The following NMRK1 variants were observed in gnomAD, a reference collection of about 807,000 sequenced individuals.
NMRK1 encodes NRK 1.
In NMRK1, 28 loss-of-function variants were observed where a neutral mutation model predicts 29.9. The ratio of observed to expected loss-of-function variants is 0.94; its 90% CI spans 0.69 to 1.28. The LOEUF is 1.28. NMRK1 is among the 50% of genes most tolerant of loss of function. NMRK1 has a pLI of 0.00. For missense variants in NMRK1, 218 were observed against 233.1 expected (o/e 0.94, Z 0.42); for synonymous variants, 58 against 73.0 (o/e 0.79, Z 1.05).
Position 75,068,393 on chromosome 9 carries a change from A to C in NMRK1, c.496+603T>G, listed in dbSNP as rs550401149. ...GGACCCTGCCTGTATCACTAGCATC[A>C]ATCCACTCCCCTGGTTTTCTTTACT... On this transcript the variant is annotated intron_variant, in intron 7 of 8. Transcript: ENST00000361092. 7.2e-5 allele frequency among the ~76,000 whole-genome samples: 11 copies of C among 152,276 alleles called. No individual in the cohort carries two copies. In the South Asian group the frequency reaches 2.3e-3, roughly 32 times the overall value.
chr9:75,078,589 A>G (rs1824144772), intron 2 of NMRK1: 1 of 1,246,604 alleles, frequency 8.0e-7, no homozygotes, highest in South Asian at 3.5e-5. Flanking sequence ...ATGTCTGTGA[A>G]CATAAGTCAG....
chr9:75,079,273 G>GT (rs1273848520), intron 2 of NMRK1, among the ~76,000 whole-genome samples: 2 of 152,236 alleles, frequency 1.3e-5, no homozygotes, highest in Non-Finnish European at 2.9e-5. Flanking sequence ...TGAAAAGTGA[G>GT]TGGGTGCTAC....
At chr9:75,063,211 CAGG>C (rs1823131420) in intron 8 of NMRK1, among the ~76,000 whole-genome samples, 2 of 146,740 alleles carry the variant, frequency 1.4e-5, no homozygotes, top group African/African-American at 5.0e-5. Context: ...GAGGCTGAGG[CAGG>C]AGAATGGTGT....
At chr9:75,078,512 G>A in intron 2 of NMRK1, 8 of 1,324,724 alleles carry the variant, frequency 6.0e-6, no homozygotes, top group Non-Finnish European at 7.8e-6. Context: ...GCATCGAGGA[G>A]ATCACACGGG....
intron 4 of NMRK1, among the ~76,000 whole-genome samples, chr9:75,074,389 T>C (rs1823872568): frequency 6.6e-6 from 1 of 151,912 alleles, no homozygotes; most frequent in Non-Finnish European, 1.5e-5. Context: ...CATCTTTTGA[T>C]TTATTTATTT....
intron 3 of NMRK1, 124 bp downstream of exon 3, chr9:75,077,366 C>A: frequency 1.2e-6 from 1 of 861,706 alleles, no homozygotes; most frequent in South Asian, 1.5e-5. Context: ...AACACCATTG[C>A]ACTGAGCCTA....
At position 75,084,968 on chromosome 9, in the gene NMRK1, C is replaced by T. The variant is rs565513077; in HGVS notation, c.-35-1818G>A. 3.4e-3 allele frequency among the ~76,000 whole-genome samples: 519 copies of T among 152,180 alleles called. 4 individuals carry two copies. The highest frequency in any genetic ancestry group is 0.012 in the African/African-American group (486 of 41,508). On this transcript the variant is annotated intron_variant, in intron 1 of 8. Coordinates refer to ENST00000361092, the MANE Select transcript of NMRK1 (RefSeq NM_017881.3). ...TTCTGCTTTTGAATTTTATTTTACC[C>T]TATTCTTATTTTTTTGGTATGTCGG...
chr9:75,072,022 C>G (rs746374786), intron 4 of NMRK1, among the ~76,000 whole-genome samples: 1 of 152,216 alleles, frequency 6.6e-6, no homozygotes, highest in African/African-American at 2.4e-5. Flanking sequence ...GGAAGTCTAG[C>G]TCCGCACCAA....
chr9:75,073,331 C>T (rs1192207236), intron 4 of NMRK1, among the ~76,000 whole-genome samples: 1 of 152,226 alleles, frequency 6.6e-6, no homozygotes, highest in East Asian at 1.9e-4. Flanking sequence ...ACACCTGGAT[C>T]TCAGACTTCT....
At chr9:75,077,761 G>A (rs560983085) in intron 2 of NMRK1, among the ~76,000 whole-genome samples, 181 bp from the exon 3 acceptor site, 72 of 151,892 alleles carry the variant, frequency 4.7e-4, no homozygotes, top group African/African-American at 1.6e-3. Flanking sequence ...TCAGCCTCCC[G>A]AGGAGCTGGG....
chr9:75,072,186 C>T (rs1823736780), intron 4 of NMRK1, among the ~76,000 whole-genome samples: 1 of 152,122 alleles, frequency 6.6e-6, no homozygotes. Flanking sequence ...TATACTTCTC[C>T]TGTATATGTA....
rs1822975041 is a variant in NMRK1, at chr9:75,060,780, A to T, written c.*768T>A. The T allele has an allele frequency of 6.7e-6, 1 of 149,074 alleles. No individual in the cohort carries two copies. Among genetic ancestry groups the T allele is most frequent in the South Asian group, 2.1e-4 (1 of 4,718 alleles). 9.2% of individuals were successfully genotyped at this position (149,074 alleles called of 1,614,324 possible). On this transcript the variant is annotated 3_prime_UTR_variant, in exon 9 of 9. Coordinates refer to ENST00000361092, the MANE Select transcript of NMRK1 (RefSeq NM_017881.3). The stretch of plus-strand genomic sequence containing the variant: ...TGGTTTGACAAAAACAAAATGAACC[A>T]CGAGGGGGGAGAAAGAAACCAGAAA...
Position 75,078,603 on chromosome 9 carries a change from A to G in NMRK1, c.30-1023T>C, listed in dbSNP as rs545424900. On this transcript the variant is annotated intron_variant, in intron 2 of 8. Transcript: ENST00000361092. The stretch of plus-strand genomic sequence containing the variant: ...CATGTCTGTGAACATAAGTCAGGGC[A>G]TCTGTGAACTTGAATGAGAAAAAAA... 2.3e-5 allele frequency: 28 copies of G among 1,220,456 alleles called. No homozygotes were observed. The East Asian group carries it at 8.6e-4, about 37-fold the overall frequency. 75.6% of individuals were successfully genotyped at this position (1,220,456 alleles called of 1,614,324 possible).
At chr9:75,066,641 T>C in intron 8 of NMRK1, 116 bp downstream of exon 8, 1 of 743,264 alleles carries the variant, frequency 1.3e-6, no homozygotes, top group Non-Finnish European at 2.5e-6. Flanking sequence ...AAGCAAAGAA[T>C]GGATGAGCAC....
At position 75,068,408 on chromosome 9, in the gene NMRK1, T is replaced by C. The variant is rs987572771; in HGVS notation, c.496+588A>G. On this transcript the variant is annotated intron_variant, in intron 7 of 8. Coordinates refer to ENST00000361092, the MANE Select transcript of NMRK1 (RefSeq NM_017881.3). ...CACTAGCATCAATCCACTCCCCTGG[T>C]TTTCTTTACTAGAAAGCTTTCTCAA... 1.1e-4 allele frequency among the ~76,000 whole-genome samples: 16 copies of C among 152,264 alleles called. No homozygotes were observed. The South Asian group carries it at 3.3e-3, about 32-fold the overall frequency.
chr9:75,078,755 T>C (rs995705333), intron 2 of NMRK1, among the ~76,000 whole-genome samples: 3 of 152,226 alleles, frequency 2.0e-5, no homozygotes, highest in African/African-American at 7.2e-5. Context: ...TATGTTGCAG[T>C]TGGGGTGGAT....
At chr9:75,062,488 C>A (rs1438455768) in intron 8 of NMRK1, among the ~76,000 whole-genome samples, 2 of 151,824 alleles carry the variant, frequency 1.3e-5, no homozygotes, top group African/African-American at 4.8e-5. Flanking sequence ...AGAACTCAGC[C>A]TTGATTTTTT....
At chr9:75,086,657 T>C (rs1408173270) in intron 1 of NMRK1, among the ~76,000 whole-genome samples, 1 of 152,202 alleles carries the variant, frequency 6.6e-6, no homozygotes, top group African/African-American at 2.4e-5. Context: ...AATCAGCAGA[T>C]TGTACGAACT....
At chr9:75,072,232 T>C (rs1389183994) in intron 4 of NMRK1, among the ~76,000 whole-genome samples, 1 of 152,186 alleles carries the variant, frequency 6.6e-6, no homozygotes, top group Non-Finnish European at 1.5e-5. Flanking sequence ...CCCATAGCCA[T>C]GTCATTCCTC....
Sources: gnomAD v4.1 joint callset for allele counts (sites outside exome capture counted in the v4.1 genomes callset) on GRCh38, gnomAD v4.1.1 for gene constraint, MANE v1.5 for transcripts, NCBI Gene and HGNC (gene_info 2026-07-23, HGNC 2026-07-21) for gene names.